The following RUFY1 variants were observed in gnomAD, a reference collection of about 807,000 sequenced individuals.
RUFY1 encodes the protein RUN and FYVE domain containing 1, also known as RUN and FYVE domain-containing protein 1.
Under a neutral mutation model 94.6 loss-of-function variants are expected in RUFY1, and 54 were observed. The ratio of observed to expected loss-of-function variants is 0.57; its 90% confidence interval spans 0.46 to 0.72. The LOEUF (loss-of-function observed/expected upper bound fraction) is 0.72, where lower values mean the gene tolerates loss of function less well. Ranked by LOEUF, RUFY1 falls within the 30% of genes least tolerant of loss-of-function variation. The probability of loss-of-function intolerance (pLI) is 0.00; values close to 1 mark genes in which losing one functional copy is unlikely to be tolerated. For missense variants in RUFY1, 883 were observed against 883.9 expected (o/e 1.00, Z 0.01); for synonymous variants, 396 against 347.3 (o/e 1.14, Z -1.56).
rs1027562503 is a variant in RUFY1 at position 179,598,706 on chromosome 5, A to G, written c.1646A>G (p.Lys549Arg). ...TGGGAAAACAGCTCAAGCCTGGAGA[A>G]AGAATTGAAATCAGAAAAAGAGCAA... ...QLHEQCSSLEKELKSEKEQRQ... is the reference protein window; with the variant it reads ...QLHEQCSSLERELKSEKEQRQ... The change falls in exon 14 of 18, where the codon AAA becomes AGA. Residue 549 changes from lysine (K) to arginine (R), a missense_variant. Transcript: ENST00000319449. 6.2e-7 allele frequency: 1 copy of G among 1,614,200 alleles called. No individual in the cohort carries two copies. Among genetic ancestry groups the G allele is most frequent in the Non-Finnish European group, 8.5e-7 (1 of 1,180,034 alleles).
intron 3 of RUFY1, among the ~76,000 whole-genome samples, chr5:179,563,559 C>G (rs144595068): frequency 1.3e-5 from 2 of 152,330 alleles, no homozygotes; most frequent in East Asian, 3.9e-4. Context: ...GCTGCCAAGC[C>G]CTGTGCATTC....
At chr5:179,599,299 C>G in intron 14 of RUFY1, 1 of 155,450 alleles carries the variant, frequency 6.4e-6, no homozygotes, top group Non-Finnish European at 1.4e-5. Context: ...GGACAGGATC[C>G]GTTCTGTTTG....
intron 13 of RUFY1, chr5:179,598,429 A>C (rs970085158): frequency 1.1e-5 from 5 of 460,336 alleles, no homozygotes; most frequent in Non-Finnish European, 1.9e-5. Flanking sequence ...GGTTCTGCTT[A>C]TGTGGTCTAA....
chr5:179,578,032 A>G (rs1370265268), intron 6 of RUFY1, among the ~76,000 whole-genome samples: 3 of 152,132 alleles, frequency 2.0e-5, no homozygotes, highest in Non-Finnish European at 4.4e-5. Context: ...CCCCATTCAC[A>G]CTGTCCCCTT....
intron 2 of RUFY1, among the ~76,000 whole-genome samples, chr5:179,561,126 T>G (rs1762420923): frequency 6.6e-6 from 1 of 151,304 alleles, no homozygotes; most frequent in South Asian, 2.1e-4. Flanking sequence ...CAGGAGAATC[T>G]CTTGAACCCA....
At chr5:179,561,700 T>TTTTTTGTTTG (rs764059834) in intron 2 of RUFY1, among the ~76,000 whole-genome samples, 2 of 95,540 alleles carry the variant, frequency 2.1e-5, no homozygotes, top group Non-Finnish European at 4.2e-5. Context: ...TTTTTTTTTT[T>TTTTTTGTTTG]TTTGAAGAGT....
chr5:179,558,777 A>C (rs1173299200), intron 1 of RUFY1, among the ~76,000 whole-genome samples: 2 of 152,130 alleles, frequency 1.3e-5, no homozygotes, highest in African/African-American at 4.8e-5. Context: ...CTACAAGTTC[A>C]CGGCCATAAT....
chr5:179,607,768 CTG>C lies in RUFY1; in HGVS notation c.1983+112_1983+113del, dbSNP rs1396683312. 71 of 897,996 alleles carry C rather than the reference CTG, an allele frequency of 7.9e-5. No homozygotes were observed. In the East Asian group the frequency reaches 1.1e-3, roughly 14 times the overall value. 55.6% of individuals were successfully genotyped at this position (897,996 alleles called of 1,614,324 possible). A position where few individuals can be genotyped will look rare whatever the true frequency, so the allele number is the denominator to read the frequency against. ...TCAGAGCAGGCTCACTGCCCGGTGACTGTGCTGACTGTGGCAGATGGGCAGCC... is the reference window on the plus strand; with the variant it reads ...TCAGAGCAGGCTCACTGCCCGGTGACTGCTGACTGTGGCAGATGGGCAGCC... On this transcript the variant is annotated intron_variant, in intron 17 of 17. Coordinates refer to ENST00000319449, the MANE Select transcript of RUFY1 (RefSeq NM_025158.5).
chr5:179,591,530 A>T, intron 9 of RUFY1, 95 bp from the exon 10 acceptor site: 1 of 811,204 alleles, frequency 1.2e-6, no homozygotes, highest in Admixed American at 2.7e-5. Flanking sequence ...AAATTACCTT[A>T]CATTTTTTAA....
At position 179,560,162 on chromosome 5, in the gene RUFY1, G is replaced by T. The variant is rs545571074; in HGVS notation, c.448G>T (p.Val150Leu). The change falls in exon 2 of 18, where the codon GTA becomes TTA. Residue 150 changes from valine to leucine, a missense_variant. Transcript: ENST00000319449. ...CCATGCCCCCTTGCAGCAGTTCTTT[G>T]TAGTGATGGAGCACTGCCTCAAACA... ...ADHAPLQQFF[V>L]VMEHCLKHGL... The T allele has an allele frequency of 3.7e-6, 6 of 1,614,060 alleles. No homozygotes were observed. In the African/African-American group the frequency reaches 6.7e-5, roughly 18 times the overall value.
chr5:179,586,971 C>T (rs908669431), intron 8 of RUFY1, among the ~76,000 whole-genome samples: 1 of 152,232 alleles, frequency 6.6e-6, no homozygotes, highest in Non-Finnish European at 1.5e-5. Context: ...GATTTTAGAA[C>T]AAGCAGATTC....
intron 1 of RUFY1, among the ~76,000 whole-genome samples, chr5:179,556,209 A>C (rs1166381449): frequency 6.6e-6 from 1 of 152,174 alleles, no homozygotes; most frequent in African/African-American, 2.4e-5. Context: ...AATATTTGAA[A>C]ATTTTACATT....
intron 8 of RUFY1, among the ~76,000 whole-genome samples, chr5:179,586,795 TA>T (rs1432262411): frequency 6.6e-6 from 1 of 152,196 alleles, no homozygotes; most frequent in African/African-American, 2.4e-5. Context: ...GTCACCTTGG[TA>T]GGCAGGCCTT....
rs572035677 is a variant in RUFY1, at chr5:179,587,004, G to A, written c.1026+1139G>A. ...TTCCCTGCATCTCAGTCAAGATGGC[G>A]TGCTTTGATGAAGCTCCAATTGAGC... On this transcript the variant is annotated intron_variant, in intron 8 of 17. Coordinates refer to ENST00000319449, the MANE Select transcript of RUFY1 (RefSeq NM_025158.5). 5.3e-5 allele frequency among the ~76,000 whole-genome samples: 8 copies of A among 152,332 alleles called. No individual in the cohort carries two copies. The South Asian group carries it at 6.2e-4, about 12-fold the overall frequency.
At chr5:179,569,461 G>A (rs763401584) in intron 5 of RUFY1, 36 bp downstream of exon 5, 51 of 1,607,496 alleles carry the variant, frequency 3.2e-5, no homozygotes, top group South Asian at 6.6e-5. Flanking sequence ...GAACACTTTC[G>A]TTAGTCCAGG....
At chr5:179,595,905 GA>G (rs1357046729) in intron 12 of RUFY1, 1 of 154,774 alleles carries the variant, frequency 6.5e-6, no homozygotes, top group Non-Finnish European at 1.4e-5. Context: ...GGAGCTAATG[GA>G]TCTCTCATAC....
chr5:179,551,053 C>T (rs2127499310), intron 1 of RUFY1, among the ~76,000 whole-genome samples, 174 bp downstream of exon 1: 1 of 151,830 alleles, frequency 6.6e-6, no homozygotes, highest in South Asian at 2.1e-4. Context: ...GCGGCCCAGC[C>T]GAGACCGCCC....
chr5:179,552,551 T>C (rs1046000077), intron 1 of RUFY1, among the ~76,000 whole-genome samples: 11 of 152,206 alleles, frequency 7.2e-5, no homozygotes, highest in Non-Finnish European at 1.6e-4. Flanking sequence ...GGGAATCTAC[T>C]GCCCTCTAGC....
Position 179,567,442 on chromosome 5 carries a change from T to G in RUFY1, c.603-19T>G. 1 of 1,588,052 alleles carries G rather than the reference T, an allele frequency of 6.3e-7. No homozygotes were observed. The highest frequency in any genetic ancestry group is 8.6e-7 in the Non-Finnish European group (1 of 1,156,578). ...GTTGTTGTTATGCCACAATAGTTGA[T>G]TCTCTGTTTGAATTCTAGGACAGCT... On this transcript the variant is annotated intron_variant, in intron 3 of 17. Transcript: ENST00000319449.
Sources: allele counts gnomAD v4.1 joint callset (sites outside exome capture counted in the v4.1 genomes callset), GRCh38; gene constraint gnomAD v4.1.1; transcripts MANE v1.5; gene names NCBI Gene and HGNC (gene_info 2026-07-23, HGNC 2026-07-21).